The following B3GLCT variants were observed in gnomAD, a reference collection of about 807,000 sequenced individuals.
B3GLCT encodes beta-1,3-glucosyltransferase.
In B3GLCT, 65 loss-of-function variants were observed where a neutral mutation model predicts 63.4. That is an observed-to-expected ratio of 1.03 (90% confidence interval 0.84 to 1.26). The LOEUF (loss-of-function observed/expected upper bound fraction) is 1.26. Ranked by LOEUF, B3GLCT falls within the 50% of genes most tolerant of loss-of-function variation. The pLI is 0.00. For synonymous variants in B3GLCT, 233 were observed against 219.2 expected (o/e 1.06, Z -0.55); for missense variants, 577 against 604.8 (o/e 0.95, Z 0.48).
chr13:31,264,307 C>T (rs1374147071), intron 7 of B3GLCT, among the ~76,000 whole-genome samples: 2 of 152,038 alleles, frequency 1.3e-5, no homozygotes, highest in Non-Finnish European at 1.5e-5. Flanking sequence ...CAGGAAATTC[C>T]CAGCACTTCC....
Position 31,234,489 on chromosome 13 carries a change from C to T in B3GLCT, c.270+5195C>T, listed in dbSNP as rs139623653. 1.2e-4 allele frequency among the ~76,000 whole-genome samples: 18 copies of T among 152,220 alleles called. No individual in the cohort carries two copies. In the East Asian group the frequency reaches 3.5e-3, roughly 29 times the overall value. On this transcript the variant is annotated intron_variant, in intron 4 of 14. Transcript: ENST00000343307. ...CCTGGAACTGAGCCTACCTATTAGG[C>T]ACTAGCTAGGTTGAGGCTGAGGTGG...
At chr13:31,295,148 C>T (rs536075298) in intron 12 of B3GLCT, among the ~76,000 whole-genome samples, 7 of 152,210 alleles carry the variant, frequency 4.6e-5, no homozygotes, top group African/African-American at 1.7e-4. Context: ...GTGGAGGCTG[C>T]AGAACAGCAA....
intron 8 of B3GLCT, among the ~76,000 whole-genome samples, chr13:31,272,857 T>C (rs1371772466): frequency 2.0e-5 from 3 of 152,218 alleles, no homozygotes; most frequent in Non-Finnish European, 2.9e-5. Flanking sequence ...CCATTGTTTT[T>C]GCTTATCATT....
chr13:31,290,057 C>T (rs1253554588), intron 12 of B3GLCT, among the ~76,000 whole-genome samples: 3 of 152,120 alleles, frequency 2.0e-5, no homozygotes, highest in African/African-American at 7.2e-5. Context: ...GTGATGTTCC[C>T]CTCCCTGTGT....
At chr13:31,289,854 A>G (rs766435812) in intron 12 of B3GLCT, among the ~76,000 whole-genome samples, 2 of 151,950 alleles carry the variant, frequency 1.3e-5, no homozygotes, top group Non-Finnish European at 2.9e-5. Context: ...ACATTTTCCA[A>G]TAACATTGGT....
chr13:31,246,734 G>A (rs980662548), intron 4 of B3GLCT, among the ~76,000 whole-genome samples: 3 of 152,186 alleles, frequency 2.0e-5, no homozygotes, highest in Admixed American at 6.5e-5. Context: ...TCGGAGTCAC[G>A]GAAGACCCTC....
intron 2 of B3GLCT, among the ~76,000 whole-genome samples, chr13:31,221,610 T>C (rs1458966929): frequency 6.6e-6 from 1 of 152,208 alleles, no homozygotes; most frequent in Non-Finnish European, 1.5e-5. Context: ...ACAAAGATAA[T>C]TTCAGAATAT....
intron 14 of B3GLCT, among the ~76,000 whole-genome samples, chr13:31,326,015 C>T (rs1274724039): frequency 6.6e-6 from 1 of 152,104 alleles, no homozygotes; most frequent in African/African-American, 2.4e-5. Flanking sequence ...GTTTTCTGTT[C>T]TTCCAAAATT....
chr13:31,238,108 A>G (rs966168463), intron 4 of B3GLCT, among the ~76,000 whole-genome samples: 1 of 152,224 alleles, frequency 6.6e-6, no homozygotes, highest in Middle Eastern at 3.2e-3. Context: ...TCTGCCAAAA[A>G]ATTAAGGTGC....
intron 10 of B3GLCT, among the ~76,000 whole-genome samples, chr13:31,281,224 C>A (rs1873054052): frequency 6.6e-6 from 1 of 152,080 alleles, no homozygotes. Flanking sequence ...GCCTTTAGTT[C>A]CTTTCCACAG....
At chr13:31,278,171 GT>G (rs1872887673) in intron 10 of B3GLCT, among the ~76,000 whole-genome samples, 1 of 151,948 alleles carries the variant, frequency 6.6e-6, no homozygotes, top group Non-Finnish European at 1.5e-5. Context: ...TAAGGATGGT[GT>G]TGCTGGTACT....
intron 1 of B3GLCT, among the ~76,000 whole-genome samples, chr13:31,212,109 A>ATT (rs564316331): frequency 1.4e-5 from 2 of 144,976 alleles, no homozygotes. Context: ...TAGATGGAAA[A>ATT]TTTTTTTTTT....
intron 1 of B3GLCT, among the ~76,000 whole-genome samples, chr13:31,208,556 T>C (rs1488137521): frequency 2.0e-5 from 3 of 148,170 alleles, no homozygotes; most frequent in East Asian, 2.0e-4. Context: ...AGGCCCTCCC[T>C]TCCCGTCTCA....
chr13:31,269,820 G>T (rs1035516894), intron 8 of B3GLCT, among the ~76,000 whole-genome samples: 1 of 152,162 alleles, frequency 6.6e-6, no homozygotes, highest in African/African-American at 2.4e-5. Context: ...CAGCTAGAAG[G>T]TGCCATCCAT....
At chr13:31,312,963 A>G (rs893377056) in intron 12 of B3GLCT, 1 of 152,258 alleles carries the variant, frequency 6.6e-6, no homozygotes, top group Non-Finnish European at 1.5e-5. Flanking sequence ...AACATTTTCT[A>G]GTCACTCAGA....
At position 31,261,135 on chromosome 13, in the gene B3GLCT, T is replaced by C; in HGVS notation, c.596+53T>C. The C allele has an allele frequency of 3.8e-6, 6 of 1,569,450 alleles. No homozygotes were observed. The Admixed American group carries it at 6.8e-5, about 18-fold the overall frequency. ...GGGCGGGAGGGGTGTGCATCAACTT[T>C]AATTTCATTGAGTACTGTAACTGAT... On this transcript the variant is annotated intron_variant, in intron 7 of 14. Coordinates refer to ENST00000343307, the MANE Select transcript of B3GLCT (RefSeq NM_194318.4).
chr13:31,284,631 C>T lies in B3GLCT; in HGVS notation c.851-17C>T, dbSNP rs761905227. On this transcript the variant is annotated splice_polypyrimidine_tract_variant and intron_variant, in intron 10 of 14. Coordinates refer to ENST00000343307, the MANE Select transcript of B3GLCT (RefSeq NM_194318.4). Reference sequence around the variant, plus strand: ...GTGTAACTGTGCCAGTGATTGTCACCTCTGTAATTTTTTCAGTACCTATTG... The same window carrying T: ...GTGTAACTGTGCCAGTGATTGTCACTTCTGTAATTTTTTCAGTACCTATTG... 1.4e-6 allele frequency: 2 copies of T among 1,387,378 alleles called. No individual in the cohort carries two copies. The highest frequency in any genetic ancestry group is 3.4e-5 in the Admixed American group (2 of 59,686). 85.9% of individuals were successfully genotyped at this position (1,387,378 alleles called of 1,614,324 possible).
intron 2 of B3GLCT, 141 bp downstream of exon 2, chr13:31,215,241 G>C: frequency 1.1e-6 from 1 of 889,438 alleles, no homozygotes; most frequent in South Asian, 1.5e-5. Context: ...CATGGATTTT[G>C]AATCCCTAAT....
intron 12 of B3GLCT, among the ~76,000 whole-genome samples, chr13:31,301,171 G>A (rs988275601): frequency 6.6e-6 from 1 of 152,206 alleles, no homozygotes; most frequent in South Asian, 2.1e-4. Context: ...TAGCAAGGAA[G>A]TAAATGCCCT....
Sources: gnomAD v4.1 joint callset for allele counts (sites outside exome capture counted in the v4.1 genomes callset) on GRCh38, gnomAD v4.1.1 for gene constraint, MANE v1.5 for transcripts, NCBI Gene and HGNC (gene_info 2026-07-23, HGNC 2026-07-21) for gene names.